Variants in RTRAF observed in about 807,000 individuals in gnomAD.
RTRAF encodes the protein tRNA-splicing ligase complex subunit RTRAF.
In RTRAF, 14 loss-of-function variants were observed where a neutral mutation model predicts 34.4. That is an observed-to-expected ratio of 0.41 (90% CI 0.27 to 0.64). The LOEUF (loss-of-function observed/expected upper bound fraction) is 0.64, where lower values mean the gene tolerates loss of function less well. Ranked by LOEUF, RTRAF falls within the 30% of genes least tolerant of loss-of-function variation. The probability of loss-of-function intolerance (pLI) is 0.34; values close to 1 mark genes in which losing one functional copy is unlikely to be tolerated. For missense variants in RTRAF, 291 were observed against 288.4 expected (o/e 1.01, Z -0.06); for synonymous variants, 96 against 95.3 (o/e 1.01, Z -0.04).
chr14:52,004,112 C>T, intron 6 of RTRAF, 82 bp from the exon 7 acceptor site: 4 of 1,197,940 alleles, frequency 3.3e-6, no homozygotes, highest in Non-Finnish European at 4.9e-6. Flanking sequence ...ACCAGAATAG[C>T]TAGGTGCTTT....
rs921069047 is a variant in RTRAF at position 52,000,063 on chromosome 14, T to C, written c.462+267T>C. ...GCTAATATCTTTTTAAAAATATATA[T>C]CATATGAAGAAACTGAGACTCAATG... On this transcript the variant is annotated intron_variant, in intron 5 of 7. Coordinates refer to ENST00000261700, the MANE Select transcript of RTRAF (RefSeq NM_016039.3). Among the ~76,000 whole-genome samples, 3 of 152,042 alleles carry C rather than the reference T, an allele frequency of 2.0e-5. No homozygotes were observed. In the East Asian group the frequency reaches 5.8e-4, roughly 29 times the overall value.
rs1335980782 is a variant in RTRAF at position 51,999,869 on chromosome 14, CTA to C, written c.462+75_462+76del. 2.4e-5 allele frequency: 24 copies of C among 1,014,426 alleles called. No homozygotes were observed. In the African/African-American group the frequency reaches 3.1e-4, roughly 13 times the overall value. The allele number at this position is 1,014,426 out of a possible 1,614,324, so 62.8% of individuals were successfully genotyped here. A position where few individuals can be genotyped will look rare whatever the true frequency, so the allele number is the denominator to read the frequency against. Reference sequence around the variant, plus strand: ...AATGTCTTTATTTTCTAAATATTAACTATTGATATTAAAATTATGGTTGAATG... The same window carrying C: ...AATGTCTTTATTTTCTAAATATTAACTTGATATTAAAATTATGGTTGAATG... On this transcript the variant is annotated intron_variant, in intron 5 of 7. Coordinates refer to ENST00000261700, the MANE Select transcript of RTRAF (RefSeq NM_016039.3).
chr14:51,992,651 TG>T, intron 2 of RTRAF, among the ~76,000 whole-genome samples: 1 of 152,218 alleles, frequency 6.6e-6, no homozygotes, highest in Non-Finnish European at 1.5e-5. Flanking sequence ...TAGGATTTTA[TG>T]TTTGTTTATA....
At position 51,991,300 on chromosome 14, in the gene RTRAF, G is replaced by C; in HGVS notation, c.62-17G>C. Reference sequence around the variant, plus strand: ...ATGTAGTGCTTCTAGTTATTTATGTGATATTTTTTATTGCAGATGAAACAG... The same window carrying C: ...ATGTAGTGCTTCTAGTTATTTATGTCATATTTTTTATTGCAGATGAAACAG... On this transcript the variant is annotated splice_polypyrimidine_tract_variant and intron_variant, in intron 1 of 7. Transcript: ENST00000261700. 6.2e-7 allele frequency: 1 copy of C among 1,609,948 alleles called. No individual in the cohort carries two copies. Among genetic ancestry groups the C allele is most frequent in the Admixed American group, 1.7e-5 (1 of 59,710 alleles).
intron 2 of RTRAF, among the ~76,000 whole-genome samples, chr14:51,993,252 A>G (rs1890464412): frequency 6.6e-6 from 1 of 152,180 alleles, no homozygotes; most frequent in South Asian, 2.1e-4. Flanking sequence ...ACAGCTTCTG[A>G]CATTTATTTA....
At chr14:52,003,103 T>C (rs1409961686) in intron 6 of RTRAF, among the ~76,000 whole-genome samples, 1 of 152,232 alleles carries the variant, frequency 6.6e-6, no homozygotes, top group East Asian at 1.9e-4. Flanking sequence ...AATTTAGTTT[T>C]ATTTTTAATG....
rs1424260010 is a variant in RTRAF at position 52,005,245 on chromosome 14, A to AGTTAAAATTCT, written c.*734_*744dup. ...ACAAGAAGTTGCTTTAATAAGCAAC[A>AGTTAAAATTCT]GTTAAAATTCTGTTACCTTTTTAAA... On this transcript the variant is annotated 3_prime_UTR_variant, in exon 8 of 8. Transcript: ENST00000261700. The AGTTAAAATTCT allele has an allele frequency of 2.9e-5, 11 of 378,812 alleles. No individual in the cohort carries two copies. Among genetic ancestry groups the AGTTAAAATTCT allele is most frequent in the Non-Finnish European group, 5.2e-5 (11 of 213,148 alleles). 23.5% of individuals were successfully genotyped at this position (378,812 alleles called of 1,614,324 possible). A position where few individuals can be genotyped will look rare whatever the true frequency, so the allele number is the denominator to read the frequency against.
chr14:52,006,176 T>C lies in RTRAF; in HGVS notation c.*1660T>C. On this transcript the variant is annotated 3_prime_UTR_variant, in exon 8 of 8. Coordinates refer to ENST00000261700, the MANE Select transcript of RTRAF (RefSeq NM_016039.3). Reference sequence around the variant, plus strand: ...GGTCCCTCAGACAATATGTCCACAGTGTCAAAAGCCAACTTAAGCCCTGTA... The same window carrying C: ...GGTCCCTCAGACAATATGTCCACAGCGTCAAAAGCCAACTTAAGCCCTGTA... 1 of 402,586 alleles carries C rather than the reference T, an allele frequency of 2.5e-6. No homozygotes were observed. Among genetic ancestry groups the C allele is most frequent in the Non-Finnish European group, 4.6e-6 (1 of 216,118 alleles). 24.9% of individuals were successfully genotyped at this position (402,586 alleles called of 1,614,324 possible).
rs1046737039 is a variant in RTRAF, at chr14:52,008,802, CTG to C, written c.*4288_*4289del. On this transcript the variant is annotated 3_prime_UTR_variant, in exon 8 of 8. Transcript: ENST00000261700. The stretch of plus-strand genomic sequence containing the variant: ...GTGGACCAGGGATTTGAGAAGGAAA[CTG>C]TTCTTTCTTCTGCCAAAAATACAAT... The C allele has an allele frequency of 6.6e-6, 1 of 152,216 alleles. No individual in the cohort carries two copies. The highest frequency in any genetic ancestry group is 2.4e-5 in the African/African-American group (1 of 41,462). 9.4% of individuals were successfully genotyped at this position (152,216 alleles called of 1,614,324 possible).
intron 6 of RTRAF, chr14:52,003,969 C>CCTGGTACATTT (rs2140332347): frequency 3.6e-6 from 2 of 550,224 alleles, no homozygotes; most frequent in Non-Finnish European, 6.5e-6. Context: ...TATAGAGCTT[C>CCTGGTACATTT]CTGGTACATT....
chr14:52,008,013 G>A lies in RTRAF; in HGVS notation c.*3497G>A, dbSNP rs774937825. On this transcript the variant is annotated 3_prime_UTR_variant, in exon 8 of 8. Transcript: ENST00000261700. ...TTGTAAAAGAATAGCCATGTAGCCT[G>A]TGGTAGGCAGCATCTAAGCAGCCCC... 1.3e-6 allele frequency: 2 copies of A among 1,512,758 alleles called. No individual in the cohort carries two copies. Among genetic ancestry groups the A allele is most frequent in the South Asian group, 2.5e-5 (2 of 80,780 alleles). The allele number at this position is 1,512,758 out of a possible 1,614,324, so 93.7% of individuals were successfully genotyped here.
chr14:51,989,763 G>A, intron 1 of RTRAF, 63 bp downstream of exon 1: 1 of 1,491,210 alleles, frequency 6.7e-7, no homozygotes, highest in South Asian at 1.2e-5. Context: ...CAGCCTCAGT[G>A]CCCGCACCCC....
intron 3 of RTRAF, among the ~76,000 whole-genome samples, chr14:51,996,373 C>A (rs1372673877): frequency 6.6e-6 from 1 of 152,046 alleles, no homozygotes; most frequent in Non-Finnish European, 1.5e-5. Context: ...TATGTTGCCT[C>A]CTTGACTTTT....
At position 51,999,808 on chromosome 14, in the gene RTRAF, G is replaced by A. The variant is rs374473804; in HGVS notation, c.462+12G>A. 5 of 1,583,848 alleles carry A rather than the reference G, an allele frequency of 3.2e-6. No homozygotes were observed. Among genetic ancestry groups the A allele is most frequent in the East Asian group, 2.2e-5 (1 of 44,744 alleles). ...TGGTAATGCTTAAGGTCAGCTTCAT[G>A]TTCTTGATTCTTGACAGAAACTGTG... On this transcript the variant is annotated intron_variant, in intron 5 of 7. Transcript: ENST00000261700.
At chr14:51,997,460 G>C (rs1374386149) in intron 3 of RTRAF, among the ~76,000 whole-genome samples, 2 of 151,848 alleles carry the variant, frequency 1.3e-5, no homozygotes, top group Non-Finnish European at 2.9e-5. Context: ...GATTTGGCCA[G>C]TGGAAGCCTT....
In RTRAF at chr14:52,005,976, C is replaced by T; in HGVS notation, c.*1460C>T. The T allele has an allele frequency of 1.5e-6, 1 of 674,680 alleles. No homozygotes were observed. The highest frequency in any genetic ancestry group is 2.7e-6 in the Non-Finnish European group (1 of 375,742). 41.8% of individuals were successfully genotyped at this position (674,680 alleles called of 1,614,324 possible). On this transcript the variant is annotated 3_prime_UTR_variant, in exon 8 of 8. Coordinates refer to ENST00000261700, the MANE Select transcript of RTRAF (RefSeq NM_016039.3). Reference sequence around the variant, plus strand: ...AGCCTTCTCTGTCCCAGGGCTGGTGCTAAAGCCATACTGAAGTTTGAAGAC... The same window carrying T: ...AGCCTTCTCTGTCCCAGGGCTGGTGTTAAAGCCATACTGAAGTTTGAAGAC...
At chr14:52,003,773 A>G (rs1043393550) in intron 6 of RTRAF, among the ~76,000 whole-genome samples, 5 of 152,240 alleles carry the variant, frequency 3.3e-5, no homozygotes, top group African/African-American at 1.2e-4. Flanking sequence ...CAATTTGTAA[A>G]GACAAATTAA....
chr14:52,006,473 A>G lies in RTRAF; in HGVS notation c.*1957A>G, dbSNP rs1890786698. The stretch of plus-strand genomic sequence containing the variant: ...AAGTCAGGTACTGACTTTTGGTAAA[A>G]CAAGTGGTGTGTCCTCTGGAACAGT... On this transcript the variant is annotated 3_prime_UTR_variant, in exon 8 of 8. Coordinates refer to ENST00000261700, the MANE Select transcript of RTRAF (RefSeq NM_016039.3). 1.3e-6 allele frequency: 2 copies of G among 1,590,292 alleles called. No individual in the cohort carries two copies. The highest frequency in any genetic ancestry group is 4.5e-5 in the East Asian group (2 of 44,412).
Position 52,007,820 on chromosome 14 carries a change from C to G in RTRAF, c.*3304C>G. On this transcript the variant is annotated 3_prime_UTR_variant, in exon 8 of 8. Transcript: ENST00000261700. ...CATCAGTAGTATTACCTGCATCTGC[C>G]CAGCAGAGCAGTTTAGAGAAAGGGT... 6.2e-7 allele frequency: 1 copy of G among 1,613,664 alleles called. No individual in the cohort carries two copies. Among genetic ancestry groups the G allele is most frequent in the Non-Finnish European group, 8.5e-7 (1 of 1,179,818 alleles).
Sources: gnomAD v4.1 joint callset for allele counts (sites outside exome capture counted in the v4.1 genomes callset) on GRCh38, gnomAD v4.1.1 for gene constraint, MANE v1.5 for transcripts, NCBI Gene and HGNC (gene_info 2026-07-23, HGNC 2026-07-21) for gene names.